CCDC33: variants seen among roughly 807,000 people sequenced by gnomAD.
CCDC33 encodes the protein coiled-coil domain-containing protein 33.
A neutral mutation model predicts 91.9 loss-of-function variants in CCDC33; 94 were observed. That is an observed-to-expected ratio of 1.02 (90% CI 0.87 to 1.21). CCDC33 has a LOEUF of 1.21. Among genes scored for constraint, CCDC33 ranks in the 50% most tolerant of loss-of-function variants. The probability of loss-of-function intolerance (pLI) is 0.00; values close to 1 mark genes in which losing one functional copy is unlikely to be tolerated. For synonymous variants in CCDC33, 396 were observed against 374.5 expected, an observed-to-expected ratio of 1.06 and a Z score of -0.66; for missense variants, 940 against 935.5, an observed-to-expected ratio of 1.00 and a Z score of -0.06.
At chr15:74,223,838 C>T (rs891269038) in intron 2 of CCDC33, among the ~76,000 whole-genome samples, 1 of 129,978 alleles carries the variant, frequency 7.7e-6, no homozygotes. Context: ...CATCAATTTA[C>T]ATTGATTTTC....
At chr15:74,299,852 A>G (rs1466340812) in intron 11 of CCDC33, 1 of 149,732 alleles carries the variant, frequency 6.7e-6, no homozygotes, top group Non-Finnish European at 1.5e-5. Flanking sequence ...TCTCTCTCTC[A>G]CTCCCTCTCT....
At chr15:74,267,427 T>C (rs1352523312) in intron 4 of CCDC33, among the ~76,000 whole-genome samples, 1 of 152,236 alleles carries the variant, frequency 6.6e-6, no homozygotes, top group African/African-American at 2.4e-5. Flanking sequence ...AGCCATGGAC[T>C]GAGGGGCCTG....
chr15:74,296,929 G>A lies in CCDC33; in HGVS notation c.1290+981G>A, dbSNP rs926489473. On this transcript the variant is annotated intron_variant, in intron 11 of 18. Coordinates refer to ENST00000398814, the MANE Select transcript of CCDC33 (RefSeq NM_025055.5). ...TTCCACAGCGGGTCCCATGGGGAAC[G>A]CTGCTCTGGAAGATCTTGAGAAAAG... Among the ~76,000 whole-genome samples the A allele has an allele frequency of 3.3e-5, 5 of 152,178 alleles. No individual in the cohort carries two copies. In the South Asian group the frequency reaches 8.3e-4, roughly 25 times the overall value.
At chr15:74,321,839 CTGAG>C (rs2060213237) in intron 11 of CCDC33, among the ~76,000 whole-genome samples, 2 of 152,284 alleles carry the variant, frequency 1.3e-5, no homozygotes, top group South Asian at 4.1e-4. Flanking sequence ...AAGGATTTGC[CTGAG>C]TAAGTCAGGG....
intron 11 of CCDC33, among the ~76,000 whole-genome samples, chr15:74,312,285 A>G (rs2060006846): frequency 6.6e-6 from 1 of 152,122 alleles, no homozygotes; most frequent in African/African-American, 2.4e-5. Context: ...CACCCCCGCT[A>G]GGCACATCTT....
intron 10 of CCDC33, among the ~76,000 whole-genome samples, chr15:74,294,757 AAAAG>A (rs1168834147): frequency 6.6e-6 from 1 of 151,818 alleles, no homozygotes; most frequent in African/African-American, 2.4e-5. Flanking sequence ...AAAAAAAAAA[AAAAG>A]AAAAAAAAAT....
intron 1 of CCDC33, among the ~76,000 whole-genome samples, chr15:74,242,305 A>G (rs1383638731): frequency 1.3e-5 from 2 of 152,324 alleles, no homozygotes; most frequent in Middle Eastern, 3.4e-3. Context: ...CCTGACACTC[A>G]GGGCTCCTCA....
intron 5 of CCDC33, 37 bp downstream of exon 5, chr15:74,268,495 G>C: frequency 7.1e-7 from 1 of 1,412,838 alleles, no homozygotes; most frequent in Non-Finnish European, 9.9e-7. Context: ...GGTGGTGGGG[G>C]TGGGAAAGGG....
intron 11 of CCDC33, among the ~76,000 whole-genome samples, chr15:74,305,246 C>G (rs2059872465): frequency 6.6e-6 from 1 of 152,206 alleles, no homozygotes; most frequent in South Asian, 2.1e-4. Context: ...CACGCCTGGC[C>G]TAAACCTGCT....
chr15:74,232,600 G>A (rs1344000225), upstream of CCDC33, among the ~76,000 whole-genome samples: 2 of 152,188 alleles, frequency 1.3e-5, no homozygotes, highest in Admixed American at 6.5e-5. Flanking sequence ...GGGCAGCTGA[G>A]TTGGATGAGG....
intron 2 of CCDC33, among the ~76,000 whole-genome samples, chr15:74,223,773 T>C (rs58698236): frequency 2.6e-4 from 9 of 35,060 alleles, no homozygotes; most frequent in Middle Eastern, 0.031. Flanking sequence ...CACGCAAGCA[T>C]GCACACACAC....
At chr15:74,214,760 C>T (rs1483036710), upstream of CCDC33, among the ~76,000 whole-genome samples, 1 of 152,210 alleles carries the variant, frequency 6.6e-6, no homozygotes, top group African/African-American at 2.4e-5. Flanking sequence ...CAGGTTGCAT[C>T]TCTGAGTCTA....
intron 11 of CCDC33, among the ~76,000 whole-genome samples, chr15:74,307,529 T>C (rs117999166): frequency 0.011 from 1,635 of 152,110 alleles, 17 homozygotes; most frequent in Middle Eastern, 0.051. Context: ...AGCCTAGCAC[T>C]TGAGCCTTGG....
intron 1 of CCDC33, among the ~76,000 whole-genome samples, chr15:74,205,890 G>T (rs900621891): frequency 6.6e-6 from 1 of 152,268 alleles, no homozygotes. Context: ...AGCAAGCAGA[G>T]CGCAGCCTTG....
Position 74,313,399 on chromosome 15 carries a change from C to T in CCDC33, c.1291-16790C>T, listed in dbSNP as rs912967379. On this transcript the variant is annotated intron_variant, in intron 11 of 18. Transcript: ENST00000398814. The stretch of plus-strand genomic sequence containing the variant: ...TCCCTTCCAACCCCAGCACAGATTT[C>T]TTTCTTTCTTTCTTTCTTTTTTTTT... Among the ~76,000 whole-genome samples the T allele has an allele frequency of 4.1e-5, 5 of 123,038 alleles. No homozygotes were observed. In the South Asian group the frequency reaches 1.6e-3, roughly 38 times the overall value. The allele number at this position is 123,038 out of a possible 152,430, so 80.7% of individuals were successfully genotyped here.
At chr15:74,306,915 G>C (rs111271494) in intron 11 of CCDC33, among the ~76,000 whole-genome samples, 5 of 152,288 alleles carry the variant, frequency 3.3e-5, no homozygotes, top group African/African-American at 1.2e-4. Flanking sequence ...CAGCCTGACT[G>C]ACCCCTCCCC....
chr15:74,288,917 C>CAT (rs1379469871), intron 10 of CCDC33, among the ~76,000 whole-genome samples: 2 of 152,198 alleles, frequency 1.3e-5, no homozygotes, highest in Non-Finnish European at 2.9e-5. Flanking sequence ...CCCTACCAGC[C>CAT]AGGAACATAG....
At chr15:74,257,041 G>A (rs1422444274) in intron 2 of CCDC33, among the ~76,000 whole-genome samples, 1 of 152,232 alleles carries the variant, frequency 6.6e-6, no homozygotes, top group Non-Finnish European at 1.5e-5. Flanking sequence ...GGCAAGGGCA[G>A]GGGAAGAGCT....
chr15:74,314,244 G>T (rs1277919463), intron 11 of CCDC33, among the ~76,000 whole-genome samples: 2 of 152,166 alleles, frequency 1.3e-5, no homozygotes, highest in Non-Finnish European at 2.9e-5. Context: ...CTCTCACATC[G>T]ACTAGAATAC....
Sources: allele counts gnomAD v4.1 joint callset (sites outside exome capture counted in the v4.1 genomes callset), GRCh38; gene constraint gnomAD v4.1.1; transcripts MANE v1.5; gene names NCBI Gene and HGNC (gene_info 2026-07-23, HGNC 2026-07-21).